The following PPM1H variants were observed in gnomAD, a reference collection of about 807,000 sequenced individuals.
PPM1H encodes protein phosphatase, Mg2+/Mn2+ dependent 1H.
A neutral mutation model predicts 54.9 loss-of-function variants in PPM1H; 27 were observed. That is an observed-to-expected ratio of 0.49 (90% confidence interval 0.36 to 0.68). The LOEUF (loss-of-function observed/expected upper bound fraction) is 0.68. PPM1H is among the 30% of genes least tolerant of loss of function. The pLI is 0.00. For missense variants in PPM1H, 596 were observed against 667.8 expected, an observed-to-expected ratio of 0.89 and a Z score of 1.19; for synonymous variants, 305 against 270.8, an observed-to-expected ratio of 1.13 and a Z score of -1.24.
At chr12:62,714,269 T>C (rs1350383620) in intron 6 of PPM1H, among the ~76,000 whole-genome samples, 1 of 152,330 alleles carries the variant, frequency 6.6e-6, no homozygotes, top group Non-Finnish European at 1.5e-5. Context: ...ATGTGGCTAG[T>C]GGCTACTGTG....
intron 4 of PPM1H, among the ~76,000 whole-genome samples, chr12:62,786,531 T>C (rs1364116297): frequency 6.6e-6 from 1 of 152,192 alleles, no homozygotes; most frequent in Admixed American, 6.5e-5. Context: ...GCATATCTTC[T>C]CCCATTCCTT....
chr12:62,689,934 C>A, intron 7 of PPM1H, 128 bp from the exon 8 acceptor site: 1 of 584,218 alleles, frequency 1.7e-6, no homozygotes, highest in Non-Finnish European at 3.0e-6. Flanking sequence ...TGTTTCCAGG[C>A]CCCTTGCTGC....
chr12:62,652,991 A>G (rs1054705709), intron 9 of PPM1H, among the ~76,000 whole-genome samples: 1 of 152,110 alleles, frequency 6.6e-6, no homozygotes, highest in Non-Finnish European at 1.5e-5. Context: ...ATTTTGGCTG[A>G]TAGCTTTATT....
At chr12:62,648,958 C>G (rs754856221) in intron 9 of PPM1H, among the ~76,000 whole-genome samples, 1 of 152,178 alleles carries the variant, frequency 6.6e-6, no homozygotes, top group Non-Finnish European at 1.5e-5. Context: ...CAAAGAGCTG[C>G]TCAAGCTCAG....
intron 4 of PPM1H, among the ~76,000 whole-genome samples, chr12:62,774,533 G>C (rs1461769409): frequency 6.6e-6 from 1 of 152,090 alleles, no homozygotes; most frequent in South Asian, 2.1e-4. Flanking sequence ...GTAGAGATGG[G>C]ATCTCATCAT....
rs560688929 is a variant in PPM1H, at chr12:62,890,373, G to A, written c.245+44119C>T. ...CTCAGGAGGCCGAAGTGGGAGGAAC[G>A]CTTGAGCCTGGAAGGTCAAGACTGC... On this transcript the variant is annotated intron_variant, in intron 1 of 9. Coordinates refer to ENST00000228705, the MANE Select transcript of PPM1H (RefSeq NM_020700.2). Among the ~76,000 whole-genome samples, 28 of 152,276 alleles carry A rather than the reference G, an allele frequency of 1.8e-4. 1 individual carries two copies. The highest frequency in any genetic ancestry group is 1.0e-3 in the Admixed American group (16 of 15,290).
chr12:62,854,191 G>A (rs1273847161), intron 1 of PPM1H, among the ~76,000 whole-genome samples: 1 of 152,142 alleles, frequency 6.6e-6, no homozygotes, highest in Non-Finnish European at 1.5e-5. Flanking sequence ...CACATTTACT[G>A]TTGAACTCTG....
At chr12:62,871,915 C>G (rs771876953) in intron 1 of PPM1H, among the ~76,000 whole-genome samples, 1 of 152,172 alleles carries the variant, frequency 6.6e-6, no homozygotes, top group Non-Finnish European at 1.5e-5. Flanking sequence ...CAGGGCAGGT[C>G]TGTGGCATCT....
At chr12:62,660,182 T>C (rs932567558) in intron 9 of PPM1H, among the ~76,000 whole-genome samples, 2 of 152,210 alleles carry the variant, frequency 1.3e-5, no homozygotes, top group Non-Finnish European at 2.9e-5. Context: ...TCTTTGTCCA[T>C]GAGCCTCCCA....
rs139846429 is a variant in PPM1H, at chr12:62,741,641, C to T, written c.870-4055G>A. 2.0e-4 allele frequency among the ~76,000 whole-genome samples: 31 copies of T among 152,290 alleles called. No homozygotes were observed. In the East Asian group the frequency reaches 2.5e-3, roughly 12 times the overall value. On this transcript the variant is annotated intron_variant, in intron 4 of 9. Coordinates refer to ENST00000228705, the MANE Select transcript of PPM1H (RefSeq NM_020700.2). ...CCTCCATGCCCCTTCTCTGTGACCC[C>T]GTGGTGTCTATGCCTAGCTGTACCC...
intron 8 of PPM1H, among the ~76,000 whole-genome samples, chr12:62,686,691 C>T (rs1442791285): frequency 6.6e-6 from 1 of 152,206 alleles, no homozygotes; most frequent in African/African-American, 2.4e-5. Flanking sequence ...CAAGAGAGAA[C>T]ACTTGCAGAA....
chr12:62,819,950 G>A (rs750631266), intron 2 of PPM1H, among the ~76,000 whole-genome samples: 9 of 152,188 alleles, frequency 5.9e-5, no homozygotes, highest in Non-Finnish European at 8.8e-5. Flanking sequence ...CCCAAAGAGG[G>A]CGAGCCGAAG....
chr12:62,878,866 T>C (rs1870282207), intron 1 of PPM1H, among the ~76,000 whole-genome samples: 1 of 151,966 alleles, frequency 6.6e-6, no homozygotes. Context: ...CTTGAATCCG[T>C]AAGGCGGAGG....
chr12:62,775,698 T>G (rs755541329), intron 4 of PPM1H, among the ~76,000 whole-genome samples: 1 of 152,248 alleles, frequency 6.6e-6, no homozygotes, highest in Non-Finnish European at 1.5e-5. Context: ...TCAGACCTCA[T>G]GGCCATTGCC....
At chr12:62,902,479 C>T (rs1871188475) in intron 1 of PPM1H, among the ~76,000 whole-genome samples, 1 of 152,194 alleles carries the variant, frequency 6.6e-6, no homozygotes, top group Non-Finnish European at 1.5e-5. Flanking sequence ...GACTGCCCAA[C>T]ACTGGAACAT....
At chr12:62,707,432 G>A (rs1187604813) in intron 6 of PPM1H, among the ~76,000 whole-genome samples, 1 of 152,138 alleles carries the variant, frequency 6.6e-6, no homozygotes, top group Non-Finnish European at 1.5e-5. Context: ...AGCAGCCCAG[G>A]AGTCACAATA....
At position 62,838,845 on chromosome 12, in the gene PPM1H, C is replaced by T. The variant is rs1429936743; in HGVS notation, c.246-6566G>A. Among the ~76,000 whole-genome samples the T allele has an allele frequency of 2.0e-5, 2 of 100,338 alleles. 1 individual carries two copies. Among genetic ancestry groups the T allele is most frequent in the Non-Finnish European group, 3.9e-5 (2 of 51,940 alleles). The allele number at this position is 100,338 out of a possible 152,430, so 65.8% of individuals were successfully genotyped here. A position where few individuals can be genotyped will look rare whatever the true frequency, so the allele number is the denominator to read the frequency against. ...CTGAGGCAGGAGAATGGCGTGAACC[C>T]GGGAGGCGGAGCTTGCAGTGAGCCG... is the stretch of plus-strand genomic sequence containing the variant. On this transcript the variant is annotated intron_variant, in intron 1 of 9. Transcript: ENST00000228705.
rs537787080 is a variant in PPM1H, at chr12:62,774,067, G to A, written c.869+14159C>T. ...CTGACAAAAGAGTTACTTTGATAGA[G>A]TAAATAATAGAGGCAGGTCAGTCTC... On this transcript the variant is annotated intron_variant, in intron 4 of 9. Coordinates refer to ENST00000228705, the MANE Select transcript of PPM1H (RefSeq NM_020700.2). Among the ~76,000 whole-genome samples the A allele has an allele frequency of 5.3e-5, 8 of 152,322 alleles. No individual in the cohort carries two copies. In the South Asian group the frequency reaches 1.7e-3, roughly 32 times the overall value.
At chr12:62,933,386 T>G (rs937909799) in intron 1 of PPM1H, among the ~76,000 whole-genome samples, 1 of 151,972 alleles carries the variant, frequency 6.6e-6, no homozygotes. Context: ...AGGGTCAGCA[T>G]CAAGGCGCCC....
Sources: gnomAD v4.1 joint callset for allele counts (sites outside exome capture counted in the v4.1 genomes callset) on GRCh38, gnomAD v4.1.1 for gene constraint, MANE v1.5 for transcripts, NCBI Gene and HGNC (gene_info 2026-07-23, HGNC 2026-07-21) for gene names.